ELP3: variants seen among roughly 807,000 people sequenced by gnomAD.
ELP3 encodes the protein elongator complex protein 3.
ELP3 carries 56 observed loss-of-function variants against 74.9 expected under a neutral mutation model. The observed-to-expected ratio is 0.75, with a 90% CI of 0.60 to 0.93. The LOEUF (loss-of-function observed/expected upper bound fraction) is 0.93, where lower values mean the gene tolerates loss of function less well. ELP3 is among the 40% of genes least tolerant of loss of function. The pLI is 0.00. For synonymous variants in ELP3, 222 were observed against 239.8 expected, an observed-to-expected ratio of 0.93 and a Z score of 0.68; for missense variants, 573 against 686.5, an observed-to-expected ratio of 0.83 and a Z score of 1.85.
At chr8:28,150,431 C>T (rs117698037) in intron 10 of ELP3, among the ~76,000 whole-genome samples, 1 of 152,020 alleles carries the variant, frequency 6.6e-6, no homozygotes, top group Non-Finnish European at 1.5e-5. Flanking sequence ...TCTGAGAAAG[C>T]CTTTTTCTCT....
intron 9 of ELP3, among the ~76,000 whole-genome samples, chr8:28,134,006 C>T (rs754199289): frequency 3.9e-5 from 6 of 151,998 alleles, no homozygotes; most frequent in Non-Finnish European, 7.4e-5. Context: ...GCACAACGTG[C>T]AGGTTTGTTA....
At chr8:28,095,647 T>C (rs772376763) in intron 1 of ELP3, among the ~76,000 whole-genome samples, 1 of 152,176 alleles carries the variant, frequency 6.6e-6, no homozygotes, top group Non-Finnish European at 1.5e-5. Flanking sequence ...TGTGTTACAG[T>C]GAAAAAAGCA....
chr8:28,105,220 A>G (rs1811640810), intron 3 of ELP3, among the ~76,000 whole-genome samples: 1 of 138,980 alleles, frequency 7.2e-6, no homozygotes, highest in Non-Finnish European at 1.5e-5. Context: ...TGTCTCTACT[A>G]AAAAAAAAAA....
At chr8:28,169,417 TG>T (rs1390525960) in intron 14 of ELP3, among the ~76,000 whole-genome samples, 4 of 152,148 alleles carry the variant, frequency 2.6e-5, no homozygotes, top group African/African-American at 9.7e-5. Flanking sequence ...GGGCCTCAGC[TG>T]GGGTGGCTTA....
intron 5 of ELP3, 94 bp from the exon 6 acceptor site, chr8:28,110,276 G>A (rs1811863458): frequency 1.0e-5 from 11 of 1,100,220 alleles, no homozygotes; most frequent in South Asian, 6.7e-5. Flanking sequence ...TTCAGTGTTC[G>A]GAACCATGGA....
chr8:28,156,057 C>T, intron 11 of ELP3, 25 bp downstream of exon 11: 1 of 1,584,546 alleles, frequency 6.3e-7, no homozygotes, highest in Admixed American at 1.7e-5. Context: ...GGCGGTCAGG[C>T]CACAACTGTT....
intron 14 of ELP3, among the ~76,000 whole-genome samples, chr8:28,178,017 A>G (rs1475156606): frequency 1.3e-5 from 2 of 152,224 alleles, no homozygotes; most frequent in Non-Finnish European, 2.9e-5. Flanking sequence ...AAGCAGTCAC[A>G]TAGTTGAGAT....
chr8:28,179,302 T>C (rs1483388226), intron 14 of ELP3, among the ~76,000 whole-genome samples: 4 of 152,272 alleles, frequency 2.6e-5, no homozygotes, highest in Non-Finnish European at 5.9e-5. Flanking sequence ...TAGGACTCCA[T>C]GATGTACTAC....
At chr8:28,130,966 C>T (rs1219026758) in intron 8 of ELP3, among the ~76,000 whole-genome samples, 2 of 152,144 alleles carry the variant, frequency 1.3e-5, no homozygotes, top group Non-Finnish European at 2.9e-5. Context: ...TGGAGCAAGC[C>T]ACCAGCACGC....
At chr8:28,140,987 G>A (rs1813214213) in intron 10 of ELP3, among the ~76,000 whole-genome samples, 1 of 152,156 alleles carries the variant, frequency 6.6e-6, no homozygotes, top group South Asian at 2.1e-4. Flanking sequence ...GGCCTCACGG[G>A]AACCTAACCT....
At chr8:28,095,902 C>T (rs1811235007) in intron 1 of ELP3, among the ~76,000 whole-genome samples, 1 of 152,220 alleles carries the variant, frequency 6.6e-6, no homozygotes, top group Non-Finnish European at 1.5e-5. Flanking sequence ...GCCCCCTGGG[C>T]CACGGACCAG....
chr8:28,175,238 T>C (rs1814695461), intron 14 of ELP3, among the ~76,000 whole-genome samples: 1 of 152,092 alleles, frequency 6.6e-6, no homozygotes, highest in Non-Finnish European at 1.5e-5. Flanking sequence ...ACCCTTTATG[T>C]CTCTCATCTC....
chr8:28,158,528 C>T, intron 11 of ELP3, 40 bp from the exon 12 acceptor site: 14 of 1,238,254 alleles, frequency 1.1e-5, no homozygotes, highest in Admixed American at 5.3e-5. Context: ...TTGTACCCCT[C>T]CCACCCCCCA....
chr8:28,093,163 G>T lies in ELP3; in HGVS notation c.-52G>T. On this transcript the variant is annotated 5_prime_UTR_variant, in exon 1 of 15. Coordinates refer to ENST00000256398, the MANE Select transcript of ELP3 (RefSeq NM_018091.6). ...TGGCTGTCAGCTTTCCCCGTGGTCTGAGTTTGTGGCTGCATTTTTATCTCT... is the reference window on the plus strand; with the variant it reads ...TGGCTGTCAGCTTTCCCCGTGGTCTTAGTTTGTGGCTGCATTTTTATCTCT... 1.2e-6 allele frequency: 2 copies of T among 1,605,848 alleles called. No individual in the cohort carries two copies. Among genetic ancestry groups the T allele is most frequent in the Non-Finnish European group, 1.7e-6 (2 of 1,177,510 alleles).
At chr8:28,142,450 G>A (rs891035960) in intron 10 of ELP3, among the ~76,000 whole-genome samples, 1 of 152,196 alleles carries the variant, frequency 6.6e-6, no homozygotes, top group African/African-American at 2.4e-5. Context: ...GGTACAGGTG[G>A]ATGTAGGCTT....
At chr8:28,106,539 CAA>C (rs61714722) in intron 3 of ELP3, among the ~76,000 whole-genome samples, 172 bp from the exon 4 acceptor site, 2 of 112,698 alleles carry the variant, frequency 1.8e-5, no homozygotes, top group Non-Finnish European at 4.2e-5. Flanking sequence ...GACTCCGTCT[CAA>C]AAAAAAAAAA....
intron 14 of ELP3, among the ~76,000 whole-genome samples, chr8:28,187,203 T>C: frequency 6.6e-6 from 1 of 152,140 alleles, no homozygotes; most frequent in Admixed American, 6.5e-5. Context: ...ATGCCCAGGC[T>C]CTGGGTACTT....
rs1811290678 is a variant in ELP3 at position 28,097,336 on chromosome 8, G to C, written c.119+18G>C. On this transcript the variant is annotated intron_variant, in intron 2 of 14. Coordinates refer to ENST00000256398, the MANE Select transcript of ELP3 (RefSeq NM_018091.6). ...CTAAATAAGTAAGTGGATATAAAGA[G>C]AGAGCAAGCTTGTTCTTAGGTAGCA... 1 of 1,552,546 alleles carries C rather than the reference G, an allele frequency of 6.4e-7. No homozygotes were observed. The highest frequency in any genetic ancestry group is 1.4e-5 in the African/African-American group (1 of 73,736).
chr8:28,115,315 G>C (rs1242675104), intron 7 of ELP3, among the ~76,000 whole-genome samples: 1 of 152,200 alleles, frequency 6.6e-6, no homozygotes, highest in Non-Finnish European at 1.5e-5. Context: ...TCATGGGAGA[G>C]TTGTGGATCT....
Sources: allele counts gnomAD v4.1 joint callset (sites outside exome capture counted in the v4.1 genomes callset), GRCh38; gene constraint gnomAD v4.1.1; transcripts MANE v1.5; gene names NCBI Gene and HGNC (gene_info 2026-07-23, HGNC 2026-07-21).